The following HERC2 variants were observed in gnomAD, a reference collection of about 807,000 sequenced individuals.
HERC2 encodes E3 ubiquitin-protein ligase HERC2.
Under a neutral mutation model 537.7 loss-of-function variants are expected in HERC2, and 102 were observed. The ratio of observed to expected loss-of-function variants is 0.19; its 90% CI spans 0.16 to 0.22. The LOEUF (loss-of-function observed/expected upper bound fraction) is 0.22. HERC2 is among the 10% of genes least tolerant of loss of function. The pLI, the probability that HERC2 is intolerant of heterozygous loss-of-function variation, is 1.00. For synonymous variants in HERC2, 2,224 were observed against 2,466.2 expected, an observed-to-expected ratio of 0.90 and a Z score of 2.91; for missense variants, 4,236 against 6,198.2, an observed-to-expected ratio of 0.68 and a Z score of 10.63.
intron 2 of HERC2, among the ~76,000 whole-genome samples, chr15:28,300,823 CAAAAAAAAAAAAAAAA>C (rs57696757): frequency 6.8e-4 from 9 of 13,154 alleles, no homozygotes; most frequent in African/African-American, 1.6e-3. Context: ...GACTCCATCT[CAAAAAAAAAAAAAAAA>C]AAAAAAAAAA....
In HERC2 at chr15:28,186,558, T is replaced by C; in HGVS notation, c.8825+19A>G. ...ATGTAGCGGGAGGTAAGTGAGCACC[T>C]GTAACAAATGGTTCTCACCTTCCGC... On this transcript the variant is annotated intron_variant, in intron 56 of 92. Transcript: ENST00000261609. 6.2e-7 allele frequency: 1 copy of C among 1,604,510 alleles called. No homozygotes were observed. Among genetic ancestry groups the C allele is most frequent in the Non-Finnish European group, 8.5e-7 (1 of 1,172,820 alleles).
chr15:28,289,365 A>T (rs191686746), intron 4 of HERC2, among the ~76,000 whole-genome samples: 1 of 149,660 alleles, frequency 6.7e-6, no homozygotes, highest in Non-Finnish European at 1.5e-5. Flanking sequence ...TCAAATTTAC[A>T]AATATGATGT....
At chr15:28,251,495 A>G (rs1372680044) in intron 20 of HERC2, among the ~76,000 whole-genome samples, 2 of 149,374 alleles carry the variant, frequency 1.3e-5, no homozygotes, top group African/African-American at 4.9e-5. Context: ...AAACAAAAAA[A>G]CACATAAAAC....
intron 2 of HERC2, among the ~76,000 whole-genome samples, chr15:28,316,384 A>T (rs1181529825): frequency 6.6e-6 from 1 of 152,136 alleles, no homozygotes; most frequent in Non-Finnish European, 1.5e-5. Context: ...TCATACATGT[A>T]ATCACAGCAC....
intron 42 of HERC2, 186 bp from the exon 43 acceptor site, chr15:28,212,769 G>A (rs1899400264): frequency 8.8e-6 from 2 of 226,432 alleles, no homozygotes; most frequent in South Asian, 3.3e-4. Context: ...CATATAATAA[G>A]TATAATCTAT....
chr15:28,228,076 C>T lies in HERC2; in HGVS notation c.5464+142G>A, dbSNP rs531270931. On this transcript the variant is annotated intron_variant, in intron 35 of 92. Coordinates refer to ENST00000261609, the MANE Select transcript of HERC2 (RefSeq NM_004667.6). ...TGTATTTGATACCGCTGAATTGTGA[C>T]GTTAAAATGGTACACTTCCTATTTG... The T allele has an allele frequency of 1.7e-3, 1,223 of 730,460 alleles. 6 individuals carry two copies. The highest frequency in any genetic ancestry group is 1.9e-3 in the Non-Finnish European group (860 of 453,224). The allele number at this position is 730,460 out of a possible 1,614,324, so 45.2% of individuals were successfully genotyped here. A position where few individuals can be genotyped will look rare whatever the true frequency, so the allele number is the denominator to read the frequency against.
intron 38 of HERC2, among the ~76,000 whole-genome samples, chr15:28,217,163 CACTG>C (rs1295562727): frequency 6.6e-6 from 1 of 152,208 alleles, no homozygotes. Context: ...CACTGACTTA[CACTG>C]ACTTACACTT....
chr15:28,206,858 A>T (rs1290887740), intron 44 of HERC2, among the ~76,000 whole-genome samples: 1 of 144,224 alleles, frequency 6.9e-6, no homozygotes, highest in Non-Finnish European at 1.5e-5. Flanking sequence ...AAAAAAAAAA[A>T]AAATTAACTG....
At position 28,250,011 on chromosome 15, in the gene HERC2, C is replaced by T. The variant is rs7180762; in HGVS notation, c.3051-1275G>A. On this transcript the variant is annotated intron_variant, in intron 20 of 92. Transcript: ENST00000261609. ...GCAAATCAGACAGGACATGGGAACA[C>T]GGAGGGGAGGAGAGCCCAACCAGAG... 4.6e-3 allele frequency among the ~76,000 whole-genome samples: 700 copies of T among 152,168 alleles called. 5 individuals carry two copies. Among genetic ancestry groups the T allele is most frequent in the African/African-American group, 0.015 (641 of 41,500 alleles).
intron 14 of HERC2, among the ~76,000 whole-genome samples, chr15:28,263,925 A>T (rs896552990): frequency 6.6e-6 from 1 of 150,776 alleles, no homozygotes; most frequent in Non-Finnish European, 1.5e-5. Context: ...CAGCTGAGGC[A>T]TGAGAATTGC....
intron 25 of HERC2, 68 bp downstream of exon 25, chr15:28,238,046 T>C (rs1902647708): frequency 2.1e-6 from 2 of 932,188 alleles, no homozygotes; most frequent in East Asian, 4.8e-5. Flanking sequence ...GATCCAAATA[T>C]TCCTATCACA....
rs971922043 is a variant in HERC2, at chr15:28,293,099, C to G, written c.188-77G>C. The G allele has an allele frequency of 6.6e-6, 9 of 1,356,160 alleles. No individual in the cohort carries two copies. The Admixed American group carries it at 1.7e-4, about 26-fold the overall frequency. The allele number at this position is 1,356,160 out of a possible 1,614,324, so 84.0% of individuals were successfully genotyped here. A position where few individuals can be genotyped will look rare whatever the true frequency, so the allele number is the denominator to read the frequency against. On this transcript the variant is annotated intron_variant, in intron 3 of 92. Coordinates refer to ENST00000261609, the MANE Select transcript of HERC2 (RefSeq NM_004667.6). ...CATTAGTCTCTGCAAATGTCCCTCC[C>G]CGAAAAGTTACAACACACATCATTA...
chr15:28,134,651 T>C (rs1360256837), intron 79 of HERC2, among the ~76,000 whole-genome samples: 2 of 151,878 alleles, frequency 1.3e-5, no homozygotes, highest in Non-Finnish European at 2.9e-5. Flanking sequence ...CCTAGACTAC[T>C]CAGAGTTTTT....
Position 28,212,548 on chromosome 15 carries a change from G to A in HERC2, c.6822C>T (p.Pro2274=). 6.3e-7 allele frequency: 1 copy of A among 1,576,008 alleles called. No homozygotes were observed. Among genetic ancestry groups the A allele is most frequent in the South Asian group, 1.1e-5 (1 of 89,800 alleles). ...AGACAGACAGCATGGGCTCTGTGAA[G>A]GGCAGGTTGTTCACATTAAAGGCCA... ...PAVAFNVNNL[P]FTEPMLSVWA... The change falls in exon 43 of 93, where the codon CCC becomes CCT. Residue 2274 remains proline, a synonymous_variant. Coordinates refer to ENST00000261609, the MANE Select transcript of HERC2 (RefSeq NM_004667.6).
chr15:28,269,901 G>A (rs1307051683), intron 10 of HERC2, among the ~76,000 whole-genome samples: 4 of 152,244 alleles, frequency 2.6e-5, no homozygotes, highest in African/African-American at 4.8e-5. Context: ...GCACACACAC[G>A]TGCACACATG....
chr15:28,168,303 A>T, intron 67 of HERC2, 104 bp downstream of exon 67: 1 of 1,096,152 alleles, frequency 9.1e-7, no homozygotes, highest in Non-Finnish European at 1.3e-6. Flanking sequence ...TCTAAGCGGG[A>T]GGCACAGAAA....
At chr15:28,173,267 T>C (rs373396365) in intron 65 of HERC2, among the ~76,000 whole-genome samples, 21 of 152,318 alleles carry the variant, frequency 1.4e-4, no homozygotes, top group East Asian at 5.8e-4. Context: ...CAAACTTGTA[T>C]GGAAATGTCC....
chr15:28,212,617 C>T, intron 42 of HERC2, 34 bp from the exon 43 acceptor site: 1 of 1,606,074 alleles, frequency 6.2e-7, no homozygotes, highest in Admixed American at 1.7e-5. Context: ...AGAGTGTGGC[C>T]AATACGACTA....
intron 2 of HERC2, among the ~76,000 whole-genome samples, chr15:28,310,438 C>T (rs1443074457): frequency 6.6e-6 from 1 of 150,894 alleles, no homozygotes; most frequent in East Asian, 1.9e-4. Context: ...GAGCAAGACC[C>T]TATCAAAAAA....
Sources: gnomAD v4.1 joint callset for allele counts (sites outside exome capture counted in the v4.1 genomes callset) on GRCh38, gnomAD v4.1.1 for gene constraint, MANE v1.5 for transcripts, NCBI Gene and HGNC (gene_info 2026-07-23, HGNC 2026-07-21) for gene names.